Variants in KCNN2 observed in about 807,000 individuals in gnomAD.
The protein encoded by KCNN2 is potassium calcium-activated channel subfamily N member 2, also known as small conductance calcium-activated potassium channel protein 2.
In KCNN2, 24 loss-of-function variants were observed where a neutral mutation model predicts 55.5. The observed-to-expected ratio is 0.43, with a 90% confidence interval of 0.31 to 0.61. The LOEUF (loss-of-function observed/expected upper bound fraction) is 0.61, where lower values mean the gene tolerates loss of function less well. Among genes scored for constraint, KCNN2 ranks in the 20% least tolerant of loss-of-function variants. KCNN2 has a pLI of 0.08. For synonymous variants in KCNN2, 431 were observed against 336.1 expected, an observed-to-expected ratio of 1.28 and a Z score of -3.09; for missense variants, 754 against 853.6, an observed-to-expected ratio of 0.88 and a Z score of 1.45.
In KCNN2 at chr5:114,110,574, T is replaced by C. The variant is rs1277672002; in HGVS notation, c.-271+54074T>C. On this transcript the variant is annotated intron_variant, in intron 1 of 10. Transcript: ENST00000512097. ...AGGCCTTGGATGCTGGCAATAAAAG[T>C]AACCTTACTTTCAGTTTCCTTTTTT... Among the ~76,000 whole-genome samples, 6 of 152,226 alleles carry C rather than the reference T, an allele frequency of 3.9e-5. No homozygotes were observed. In the East Asian group the frequency reaches 1.2e-3, roughly 30 times the overall value.
intron 3 of KCNN2, among the ~76,000 whole-genome samples, chr5:114,418,696 C>G (rs544496418): frequency 6.6e-6 from 1 of 152,278 alleles, no homozygotes; most frequent in Admixed American, 6.5e-5. Flanking sequence ...TTTCAACTTT[C>G]CTTTCATGAA....
At chr5:114,413,432 C>T (rs1002285948) in intron 3 of KCNN2, among the ~76,000 whole-genome samples, 1 of 151,994 alleles carries the variant, frequency 6.6e-6, no homozygotes, top group Non-Finnish European at 1.5e-5. Context: ...CTACAGGTGC[C>T]CGCCACCATG....
chr5:114,188,367 G>T (rs1313996758), intron 1 of KCNN2, among the ~76,000 whole-genome samples: 4 of 152,094 alleles, frequency 2.6e-5, no homozygotes, highest in Non-Finnish European at 5.9e-5. Context: ...AGTTCCAAGG[G>T]CAGTGAAGAC....
chr5:114,454,926 T>G (rs1472919732), intron 3 of KCNN2, among the ~76,000 whole-genome samples: 1 of 152,258 alleles, frequency 6.6e-6, no homozygotes. Context: ...TTATATTTAA[T>G]GTGGTTACAG....
chr5:114,168,760 A>G (rs918666053), intron 1 of KCNN2, among the ~76,000 whole-genome samples: 15 of 152,174 alleles, frequency 9.9e-5, no homozygotes, highest in African/African-American at 3.4e-4. Flanking sequence ...TTTTATCTTA[A>G]TTATTAATGA....
intron 1 of KCNN2, among the ~76,000 whole-genome samples, chr5:114,140,762 C>CATTATTATTATTATT (rs61070958): frequency 2.1e-4 from 29 of 139,916 alleles, no homozygotes; most frequent in Admixed American, 7.3e-4. Flanking sequence ...CTGTCATCCT[C>CATTATTATTATTATT]ATTATTATTA....
At chr5:114,441,664 A>G (rs1162143727) in intron 3 of KCNN2, among the ~76,000 whole-genome samples, 1 of 152,126 alleles carries the variant, frequency 6.6e-6, no homozygotes, top group African/African-American at 2.4e-5. Context: ...TTTTCAAAAC[A>G]GGGACATGTT....
chr5:114,390,201 A>T (rs1758414024), intron 2 of KCNN2, among the ~76,000 whole-genome samples: 1 of 152,304 alleles, frequency 6.6e-6, no homozygotes, highest in South Asian at 2.1e-4. Flanking sequence ...AACTTTTAGA[A>T]TCAAACACGT....
chr5:114,228,014 ATGATGATGATGATGATGAAAG>A (rs1296144602), intron 2 of KCNN2, among the ~76,000 whole-genome samples: 3 of 151,252 alleles, frequency 2.0e-5, no homozygotes, highest in Admixed American at 6.6e-5. Flanking sequence ...GATGATGATG[ATGATGATGATGATGATGAAAG>A]AAGAAGGAGA....
chr5:114,210,690 C>T (rs1753864535), intron 1 of KCNN2, among the ~76,000 whole-genome samples: 1 of 152,106 alleles, frequency 6.6e-6, no homozygotes, highest in African/African-American at 2.4e-5. Context: ...CATCTAAATA[C>T]TCATCAAGCC....
At chr5:114,071,409 T>C (rs11952942) in intron 1 of KCNN2, among the ~76,000 whole-genome samples, 14,572 of 152,282 alleles carry the variant, frequency 0.096, 796 homozygotes, top group Middle Eastern at 0.19. Context: ...TGAAATTTTG[T>C]GAAGACATGC....
chr5:114,456,497 A>T (rs923736032), intron 3 of KCNN2, among the ~76,000 whole-genome samples: 3 of 152,224 alleles, frequency 2.0e-5, no homozygotes, highest in African/African-American at 7.2e-5. Context: ...TGTTGTTTTC[A>T]TGCCTGCTAA....
At chr5:114,453,588 C>A (rs1015049174) in intron 3 of KCNN2, among the ~76,000 whole-genome samples, 4 of 152,112 alleles carry the variant, frequency 2.6e-5, no homozygotes, top group Non-Finnish European at 5.9e-5. Flanking sequence ...AACACTATTT[C>A]TTTTCTTCCA....
intron 3 of KCNN2, among the ~76,000 whole-genome samples, chr5:114,436,349 G>T (rs536769085): frequency 4.6e-5 from 7 of 152,190 alleles, no homozygotes; most frequent in African/African-American, 1.7e-4. Flanking sequence ...ACAGTTTTTT[G>T]GATTTTAGTG....
At chr5:114,168,756 CTT>C (rs1253292047) in intron 1 of KCNN2, among the ~76,000 whole-genome samples, 2 of 152,070 alleles carry the variant, frequency 1.3e-5, no homozygotes, top group African/African-American at 4.8e-5. Flanking sequence ...AATATTTTAT[CTT>C]AATTATTAAT....
At chr5:114,203,466 T>C (rs1262480763) in intron 1 of KCNN2, among the ~76,000 whole-genome samples, 1 of 152,220 alleles carries the variant, frequency 6.6e-6, no homozygotes, top group African/African-American at 2.4e-5. Flanking sequence ...AGTGCAAATA[T>C]AAATTTATCC....
At chr5:114,118,697 A>G (rs540750345) in intron 1 of KCNN2, among the ~76,000 whole-genome samples, 1 of 152,248 alleles carries the variant, frequency 6.6e-6, no homozygotes, top group African/African-American at 2.4e-5. Context: ...AGATGCATCT[A>G]GAAATGTTTA....
At chr5:114,214,629 T>G (rs1753965133) in intron 1 of KCNN2, among the ~76,000 whole-genome samples, 1 of 152,046 alleles carries the variant, frequency 6.6e-6, no homozygotes, top group Admixed American at 6.5e-5. Flanking sequence ...TTCCTGAGGT[T>G]TTTTCCTGTG....
chr5:114,388,707 T>C (rs1046196673), intron 2 of KCNN2, among the ~76,000 whole-genome samples: 22 of 152,160 alleles, frequency 1.4e-4, no homozygotes, highest in Non-Finnish European at 2.9e-5. Flanking sequence ...TCAAAATGTC[T>C]TTCACCCTTT....
Sources: allele counts gnomAD v4.1 joint callset (sites outside exome capture counted in the v4.1 genomes callset), GRCh38; gene constraint gnomAD v4.1.1; transcripts MANE v1.5; gene names NCBI Gene and HGNC (gene_info 2026-07-23, HGNC 2026-07-21).